The following CNTN6 variants were observed in gnomAD, a reference collection of about 807,000 sequenced individuals.
The protein encoded by CNTN6 is contactin 6.
Under a neutral mutation model 122.8 loss-of-function variants are expected in CNTN6, and 137 were observed. That is an observed-to-expected ratio of 1.12 (90% CI 0.97 to 1.29). The LOEUF (loss-of-function observed/expected upper bound fraction) is 1.29, where lower values mean the gene tolerates loss of function less well. Among genes scored for constraint, CNTN6 ranks in the 50% most tolerant of loss-of-function variants. CNTN6 has a pLI of 0.00. For synonymous variants in CNTN6, 570 were observed against 426.0 expected, an observed-to-expected ratio of 1.34 and a Z score of -4.16; for missense variants, 1,634 against 1,223.4, an observed-to-expected ratio of 1.34 and a Z score of -5.01.
At chr3:1,358,152 C>T (rs1235992338) in intron 12 of CNTN6, among the ~76,000 whole-genome samples, 1 of 151,790 alleles carries the variant, frequency 6.6e-6, no homozygotes, top group Non-Finnish European at 1.5e-5. Context: ...CACTAGCTAT[C>T]CATCTCCTAT....
chr3:1,402,204 G>C, intron 21 of CNTN6, 114 bp from the exon 22 acceptor site: 1 of 696,062 alleles, frequency 1.4e-6, no homozygotes, highest in Admixed American at 3.0e-5. Context: ...ATTTCCATCT[G>C]AGGAGTACAA....
intron 5 of CNTN6, among the ~76,000 whole-genome samples, chr3:1,279,984 G>T (rs1481822194): frequency 6.6e-6 from 1 of 152,116 alleles, no homozygotes; most frequent in African/African-American, 2.4e-5. Flanking sequence ...CACAATAATT[G>T]CTGAGGCTCT....
chr3:1,250,530 T>C (rs1199463542), intron 4 of CNTN6, among the ~76,000 whole-genome samples: 1 of 152,148 alleles, frequency 6.6e-6, no homozygotes, highest in Non-Finnish European at 1.5e-5. Context: ...ATATTTGCCT[T>C]GACATCACCA....
intron 4 of CNTN6, among the ~76,000 whole-genome samples, chr3:1,267,429 G>T (rs1338625390): frequency 2.6e-5 from 4 of 152,026 alleles, no homozygotes; most frequent in East Asian, 1.9e-4. Context: ...GTCATATGGG[G>T]TACCTACAAC....
chr3:1,308,976 G>A (rs1698807256), intron 7 of CNTN6, among the ~76,000 whole-genome samples: 1 of 151,814 alleles, frequency 6.6e-6, no homozygotes, highest in Non-Finnish European at 1.5e-5. Flanking sequence ...TTTTTAATTG[G>A]TATGTTTATT....
chr3:1,320,955 C>A (rs964055646), intron 7 of CNTN6, among the ~76,000 whole-genome samples: 2 of 151,520 alleles, frequency 1.3e-5, no homozygotes, highest in Non-Finnish European at 3.0e-5. Flanking sequence ...TTTACAAGTT[C>A]TTTATAACAG....
chr3:1,163,750 C>A (rs922373887), intron 2 of CNTN6, among the ~76,000 whole-genome samples: 3 of 152,140 alleles, frequency 2.0e-5, no homozygotes, highest in African/African-American at 4.8e-5. Flanking sequence ...TCTGTCAATG[C>A]GGTCAATCAG....
At chr3:1,248,969 G>A (rs1268926270) in intron 4 of CNTN6, among the ~76,000 whole-genome samples, 1 of 152,118 alleles carries the variant, frequency 6.6e-6, no homozygotes, top group Non-Finnish European at 1.5e-5. Context: ...ATGTGCACAG[G>A]AATCACTTGG....
At chr3:1,340,631 G>C (rs562694268) in intron 11 of CNTN6, among the ~76,000 whole-genome samples, 2 of 152,228 alleles carry the variant, frequency 1.3e-5, no homozygotes, top group Non-Finnish European at 2.9e-5. Context: ...GTTAAAGTTA[G>C]CAGACAAAGA....
chr3:1,161,148 T>A (rs2093123301), intron 2 of CNTN6, among the ~76,000 whole-genome samples: 1 of 151,776 alleles, frequency 6.6e-6, no homozygotes, highest in Non-Finnish European at 1.5e-5. Context: ...ACAAAGCAGG[T>A]CCTCACTTAG....
chr3:1,227,912 C>G lies in CNTN6; in HGVS notation c.277C>G (p.Gln93Glu), dbSNP rs541340193. 3.0e-4 allele frequency: 491 copies of G among 1,613,984 alleles called. 6 individuals are homozygous for G. The South Asian group carries it at 5.1e-3, about 17-fold the overall frequency. ...TGCAATCAATAGCCCCCACACAGAT[C>G]AAGATATTGGCATGTACCAGTGCCT... ...SLAINSPHTD[Q>E]DIGMYQCLAT... Residue 93 changes from glutamine to glutamate, a missense_variant, in exon 4 of 23, where the codon CAA (glutamine) becomes GAA (glutamate). Coordinates refer to ENST00000446702, the MANE Select transcript of CNTN6 (RefSeq NM_001289080.2).
At chr3:1,309,662 C>T (rs116581228) in intron 7 of CNTN6, among the ~76,000 whole-genome samples, 2,142 of 152,190 alleles carry the variant, frequency 0.014, 60 homozygotes, top group African/African-American at 0.048. Flanking sequence ...TGTCTATATC[C>T]ATGAAATAGC....
At chr3:1,123,268 C>G (rs572418240) in intron 1 of CNTN6, among the ~76,000 whole-genome samples, 2 of 151,792 alleles carry the variant, frequency 1.3e-5, no homozygotes, top group African/African-American at 2.4e-5. Context: ...ATTAAGCCTC[C>G]TAATCCATGA....
At chr3:1,395,504 T>A (rs552160198) in intron 20 of CNTN6, among the ~76,000 whole-genome samples, 1 of 152,170 alleles carries the variant, frequency 6.6e-6, no homozygotes, top group South Asian at 2.1e-4. Flanking sequence ...AACAGTAGGG[T>A]ACCTTCACAT....
intron 2 of CNTN6, among the ~76,000 whole-genome samples, chr3:1,182,112 C>A (rs2093563752): frequency 6.6e-6 from 1 of 152,012 alleles, no homozygotes; most frequent in South Asian, 2.1e-4. Context: ...TATATTCATT[C>A]ATTCTACTAA....
chr3:1,230,258 G>A (rs574374621), intron 4 of CNTN6, among the ~76,000 whole-genome samples: 4 of 152,156 alleles, frequency 2.6e-5, no homozygotes, highest in African/African-American at 7.2e-5. Context: ...AATATCTAGT[G>A]GTATGAAATT....
At chr3:1,364,977 T>C (rs776763626) in intron 12 of CNTN6, among the ~76,000 whole-genome samples, 1 of 152,020 alleles carries the variant, frequency 6.6e-6, no homozygotes, top group Non-Finnish European at 1.5e-5. Flanking sequence ...TCATTTATAT[T>C]TAGGGCAATC....
intron 7 of CNTN6, among the ~76,000 whole-genome samples, chr3:1,316,486 G>A (rs924986738): frequency 1.4e-4 from 21 of 151,742 alleles, no homozygotes; most frequent in Non-Finnish European, 2.2e-4. Flanking sequence ...ACAGCACCAC[G>A]GAGATAGTGC....
rs188039754 is a variant in CNTN6, at chr3:1,372,489, T to C, written c.1668+15T>C. 6.3e-7 allele frequency: 1 copy of C among 1,591,140 alleles called. No individual in the cohort carries two copies. The highest frequency in any genetic ancestry group is 2.2e-5 in the East Asian group (1 of 44,468). ...GGATTGGAGGAGTAAGTTACTGAAA[T>C]TGTTAAGTGCTTAATAAAATGAATC... On this transcript the variant is annotated intron_variant, in intron 13 of 22. Coordinates refer to ENST00000446702, the MANE Select transcript of CNTN6 (RefSeq NM_001289080.2).
Sources: allele counts gnomAD v4.1 joint callset (sites outside exome capture counted in the v4.1 genomes callset), GRCh38; gene constraint gnomAD v4.1.1; transcripts MANE v1.5; gene names NCBI Gene and HGNC (gene_info 2026-07-23, HGNC 2026-07-21).